The following SPRY3 variants were observed in gnomAD, a reference collection of about 807,000 sequenced individuals.
SPRY3 encodes the protein protein sprouty homolog 3.
In SPRY3, 15 loss-of-function variants were observed where a neutral mutation model predicts 20.2. The ratio of observed to expected loss-of-function variants is 0.74; its 90% CI spans 0.50 to 1.14. The LOEUF (loss-of-function observed/expected upper bound fraction) is 1.14. Among genes scored for constraint, SPRY3 ranks in the 50% most tolerant of loss-of-function variants. The pLI, the probability that SPRY3 is intolerant of heterozygous loss-of-function variation, is 0.00. For synonymous variants in SPRY3, 143 were observed against 136.5 expected (o/e 1.05, Z -0.33); for missense variants, 364 against 363.9 (o/e 1.00, Z 0.00).
At chrX:155,773,803 G>C in exon 4 of SPRY3, 6 of 1,533,004 alleles carry the variant, frequency 3.9e-6, no homozygotes, top group Non-Finnish European at 5.3e-6. Context: ...GTAACTACAA[G>C]GGCTCCTCTT....
At chrX:155,750,681 CATCAGTTAAGAG>C (rs1408965052) in intron 2 of SPRY3, among the ~76,000 whole-genome samples, 1 of 151,704 alleles carries the variant, frequency 6.6e-6, no homozygotes, top group Non-Finnish European at 1.5e-5. Context: ...AAAACAATGT[CATCAGTTAAGAG>C]TGAGAATGGA....
At chrX:155,682,797 A>T (rs1371259712) in intron 2 of SPRY3, among the ~76,000 whole-genome samples, 1 of 112,446 alleles carries the variant, frequency 8.9e-6, no homozygotes, top group Admixed American at 9.4e-5. Flanking sequence ...AGTATCTGGG[A>T]GAAGTACATT....
chrX:155,654,686 GGTGTGTGTGTGTGTGTGT>G (rs3067500), intron 1 of SPRY3, among the ~76,000 whole-genome samples: 223 of 85,954 alleles, frequency 2.6e-3, no homozygotes, highest in East Asian at 9.2e-3. Flanking sequence ...AGTATTCCAT[GGTGTGTGTGTGTGTGTGT>G]GTGTGTGTGT....
chrX:155,647,919 C>T (rs1460052014), intron 1 of SPRY3, among the ~76,000 whole-genome samples: 1 of 111,769 alleles, frequency 8.9e-6, no homozygotes, highest in African/African-American at 3.3e-5. Context: ...ACCCTCCCAC[C>T]AACAGTGTAA....
At chrX:155,673,501 G>T (rs1355054588) in intron 2 of SPRY3, among the ~76,000 whole-genome samples, 1 of 111,767 alleles carries the variant, frequency 8.9e-6, no homozygotes, top group Non-Finnish European at 1.9e-5. Context: ...TCTGGCTGAA[G>T]TTTGTCAGAA....
intron 2 of SPRY3, among the ~76,000 whole-genome samples, chrX:155,750,486 T>C: frequency 6.6e-6 from 1 of 151,676 alleles, no homozygotes; most frequent in East Asian, 1.9e-4. Flanking sequence ...TGAGATGAAA[T>C]AAATAGTGAG....
intron 1 of SPRY3, among the ~76,000 whole-genome samples, chrX:155,647,355 T>G (rs782429671): frequency 1.8e-5 from 2 of 110,872 alleles, no homozygotes; most frequent in African/African-American, 3.3e-5. Flanking sequence ...ATGTGCAGAA[T>G]GTGCAGGTTT....
chrX:155,778,688 C>G (rs1038328429), downstream of SPRY3: 6 of 167,056 alleles, frequency 3.6e-5, no homozygotes, highest in Non-Finnish European at 5.9e-5. Flanking sequence ...ATTTTACCAA[C>G]AGCTCCTTCA....
intron 2 of SPRY3, among the ~76,000 whole-genome samples, chrX:155,704,362 C>A (rs1209157423): frequency 1.3e-5 from 2 of 151,590 alleles, no homozygotes; most frequent in Admixed American, 1.3e-4. Context: ...AACAAAATAA[C>A]GGAGATGAAG....
chrX:155,662,727 TG>T (rs1191196613), intron 2 of SPRY3, among the ~76,000 whole-genome samples: 1 of 107,224 alleles, frequency 9.3e-6, no homozygotes, highest in Non-Finnish European at 1.9e-5. Context: ...AGAATAGTTA[TG>T]CATTCAAAGA....
chrX:155,760,071 G>C, intron 2 of SPRY3, among the ~76,000 whole-genome samples: 1 of 152,172 alleles, frequency 6.6e-6, no homozygotes, highest in African/African-American at 2.4e-5. Flanking sequence ...TAATGTGTTT[G>C]ACTTTTCCAC....
intron 2 of SPRY3, among the ~76,000 whole-genome samples, chrX:155,692,211 GATTTTGAGTTAA>G (rs1459119068): frequency 2.6e-4 from 29 of 111,005 alleles, no homozygotes; most frequent in African/African-American, 8.8e-4. Context: ...CTCCCTGGTT[GATTTTGAGTTAA>G]ATTTTGTGTA....
chrX:155,668,143 A>G (rs1557354473), intron 2 of SPRY3, among the ~76,000 whole-genome samples: 1 of 110,990 alleles, frequency 9.0e-6, no homozygotes, highest in Non-Finnish European at 1.9e-5. Context: ...TCACCCAAAA[A>G]CGTGGATATT....
chrX:155,766,929 A>G (rs982610106), intron 2 of SPRY3, among the ~76,000 whole-genome samples: 3 of 152,142 alleles, frequency 2.0e-5, no homozygotes, highest in African/African-American at 7.2e-5. Context: ...GGTGGGAGGA[A>G]CCCTTAAACA....
chrX:155,615,477 G>T (rs926689270), intron 1 of SPRY3, among the ~76,000 whole-genome samples: 10 of 112,141 alleles, frequency 8.9e-5, no homozygotes, highest in Non-Finnish European at 1.5e-4. Context: ...GTCTTTAAAA[G>T]AACTACTAGT....
exon 4 of SPRY3, chrX:155,775,084 G>T: frequency 2.8e-6 from 1 of 352,562 alleles, no homozygotes; most frequent in Non-Finnish European, 5.4e-6. Context: ...ACCTCTCGAT[G>T]CAGGCTCTGA....
chrX:155,673,089 A>G (rs1331753168), intron 2 of SPRY3, among the ~76,000 whole-genome samples: 3 of 80,661 alleles, frequency 3.7e-5, no homozygotes, highest in East Asian at 9.2e-4. Flanking sequence ...GGGGAGGGAT[A>G]GCATTAGGAG....
intron 2 of SPRY3, among the ~76,000 whole-genome samples, chrX:155,704,477 C>T (rs759797517): frequency 6.6e-6 from 1 of 151,618 alleles, no homozygotes; most frequent in South Asian, 2.1e-4. Context: ...AAATTGATTA[C>T]ATTGAGACAA....
intron 2 of SPRY3, among the ~76,000 whole-genome samples, chrX:155,730,839 A>G (rs1453801279): frequency 6.6e-6 from 1 of 152,162 alleles, no homozygotes; most frequent in Non-Finnish European, 1.5e-5. Context: ...ATCAAGATAC[A>G]AAAATCAGTA....
Sources: gnomAD v4.1 joint callset for allele counts (sites outside exome capture counted in the v4.1 genomes callset) on GRCh38, gnomAD v4.1.1 for gene constraint, MANE v1.5 for transcripts, NCBI Gene and HGNC (gene_info 2026-07-23, HGNC 2026-07-21) for gene names.